Variants in NEDD4L observed in about 807,000 individuals in gnomAD.
NEDD4L encodes NEDD4 like E3 ubiquitin protein ligase.
In NEDD4L, 54 loss-of-function variants were observed where a neutral mutation model predicts 148.9. That is an observed-to-expected ratio of 0.36 (90% CI 0.29 to 0.45). The LOEUF is 0.45. NEDD4L is among the 20% of genes least tolerant of loss of function. The pLI is 1.00. For missense variants in NEDD4L, 856 were observed against 1,233.8 expected (o/e 0.69, Z 4.59); for synonymous variants, 433 against 440.7 (o/e 0.98, Z 0.22).
At chr18:58,276,773 G>A (rs1297576525) in intron 5 of NEDD4L, among the ~76,000 whole-genome samples, 1 of 151,792 alleles carries the variant, frequency 6.6e-6, no homozygotes, top group African/African-American at 2.4e-5. Context: ...TACTTAAGGA[G>A]GATTTTAAGC....
chr18:58,229,129 T>G (rs977778586), intron 2 of NEDD4L, among the ~76,000 whole-genome samples: 18 of 152,230 alleles, frequency 1.2e-4, no homozygotes, highest in African/African-American at 4.3e-4. Context: ...GTGTTTTTTA[T>G]AGGACCTATT....
chr18:58,144,115 T>TAAAA (rs5825266), intron 1 of NEDD4L, among the ~76,000 whole-genome samples: 1 of 142,878 alleles, frequency 7.0e-6, no homozygotes, highest in Non-Finnish European at 1.5e-5. Flanking sequence ...AGAGCAGCAT[T>TAAAA]AAAAAAAAAA....
chr18:58,093,793 T>A (rs754694162), intron 1 of NEDD4L, among the ~76,000 whole-genome samples: 1 of 152,220 alleles, frequency 6.6e-6, no homozygotes, highest in Admixed American at 6.5e-5. Flanking sequence ...ATAAGGAAAT[T>A]GAACTTTTCA....
chr18:58,238,680 C>T (rs970589762), intron 2 of NEDD4L, among the ~76,000 whole-genome samples: 3 of 151,918 alleles, frequency 2.0e-5, no homozygotes, highest in Non-Finnish European at 4.4e-5. Flanking sequence ...AAATATTTAC[C>T]TGCCTCTCTG....
At chr18:58,125,158 T>C (rs1042347267) in intron 1 of NEDD4L, among the ~76,000 whole-genome samples, 2 of 152,202 alleles carry the variant, frequency 1.3e-5, no homozygotes, top group African/African-American at 2.4e-5. Context: ...CTTTGACTTA[T>C]AGATTGTGGG....
intron 5 of NEDD4L, among the ~76,000 whole-genome samples, chr18:58,301,708 T>C (rs911265423): frequency 6.6e-6 from 1 of 152,154 alleles, no homozygotes; most frequent in Non-Finnish European, 1.5e-5. Context: ...TTCAAGCTGT[T>C]GTCTGTGAAT....
intron 1 of NEDD4L, among the ~76,000 whole-genome samples, chr18:58,133,548 C>A (rs527251): frequency 1.3e-5 from 2 of 151,758 alleles, no homozygotes; most frequent in African/African-American, 4.8e-5. Flanking sequence ...TTTTGGGAGG[C>A]GAGAAATATG....
rs1159443803 is a variant in NEDD4L, at chr18:58,398,231, T to G, written c.*1962T>G. On this transcript the variant is annotated 3_prime_UTR_variant, in exon 31 of 31. Coordinates refer to ENST00000400345, the MANE Select transcript of NEDD4L (RefSeq NM_001144967.3). ...GAGTTTTGACTATTGGTGAGATGTT[T>G]TCCGCTACAGTTAACATGACAAATG... 2 of 148,636 alleles carry G rather than the reference T, an allele frequency of 1.3e-5. No homozygotes were observed. The highest frequency in any genetic ancestry group is 2.1e-4 in the South Asian group (1 of 4,718). The allele number at this position is 148,636 out of a possible 1,614,324, so 9.2% of individuals were successfully genotyped here. A position where few individuals can be genotyped will look rare whatever the true frequency, so the allele number is the denominator to read the frequency against.
chr18:58,224,092 G>A (rs1852239710), intron 2 of NEDD4L, among the ~76,000 whole-genome samples: 1 of 152,178 alleles, frequency 6.6e-6, no homozygotes, highest in Non-Finnish European at 1.5e-5. Context: ...GGAGTCCAGT[G>A]GACTCAGTGG....
intron 5 of NEDD4L, among the ~76,000 whole-genome samples, chr18:58,277,370 C>T (rs969887066): frequency 2.0e-5 from 3 of 152,108 alleles, no homozygotes; most frequent in Non-Finnish European, 4.4e-5. Flanking sequence ...GAGCTCTCTT[C>T]CTGGGGGCAG....
At chr18:58,171,523 C>T (rs544094070) in intron 2 of NEDD4L, among the ~76,000 whole-genome samples, 14 of 152,390 alleles carry the variant, frequency 9.2e-5, no homozygotes, top group Admixed American at 3.3e-4. Context: ...CCTCCTACGG[C>T]CCCTTGTCTT....
intron 19 of NEDD4L, among the ~76,000 whole-genome samples, chr18:58,360,942 A>G (rs568715553): frequency 3.1e-4 from 47 of 152,266 alleles, no homozygotes; most frequent in Non-Finnish European, 5.0e-4. Context: ...GGCTTGGAGT[A>G]TGGATTTATT....
At chr18:58,237,010 C>T (rs559956330) in intron 2 of NEDD4L, among the ~76,000 whole-genome samples, 5 of 151,472 alleles carry the variant, frequency 3.3e-5, no homozygotes, top group South Asian at 2.1e-4. Flanking sequence ...ACACCAATAG[C>T]GAAACTCCAT....
At chr18:58,178,068 A>G (rs547752062) in intron 2 of NEDD4L, among the ~76,000 whole-genome samples, 15 of 152,310 alleles carry the variant, frequency 9.8e-5, no homozygotes, top group African/African-American at 3.1e-4. Context: ...TACATAAACA[A>G]AGGGGCATGT....
At position 58,120,361 on chromosome 18, in the gene NEDD4L, C is replaced by T. The variant is rs62096183; in HGVS notation, c.49-45427C>T. Among the ~76,000 whole-genome samples the T allele has an allele frequency of 8.4e-3, 1,277 of 152,304 alleles. 9 individuals carry two copies. The highest frequency in any genetic ancestry group is 0.012 in the Admixed American group (176 of 15,302). Reference sequence around the variant, plus strand: ...TTGGCCAATTGTATTCTCCCTCCCTCTACGATGAGGTTAATTACAGTTACC... The same window carrying T: ...TTGGCCAATTGTATTCTCCCTCCCTTTACGATGAGGTTAATTACAGTTACC... On this transcript the variant is annotated intron_variant, in intron 1 of 30. Transcript: ENST00000400345.
chr18:58,316,334 C>T (rs2058258808), intron 6 of NEDD4L, among the ~76,000 whole-genome samples: 1 of 152,212 alleles, frequency 6.6e-6, no homozygotes, highest in African/African-American at 2.4e-5. Context: ...AAACAGACAC[C>T]TCCTTCACTC....
chr18:58,362,122 G>T (rs984608850), intron 19 of NEDD4L, among the ~76,000 whole-genome samples: 1 of 152,180 alleles, frequency 6.6e-6, no homozygotes, highest in Non-Finnish European at 1.5e-5. Flanking sequence ...CAACATTTCC[G>T]CCCACACCTC....
intron 1 of NEDD4L, among the ~76,000 whole-genome samples, chr18:58,143,658 G>A (rs929952558): frequency 6.6e-5 from 10 of 152,150 alleles, no homozygotes; most frequent in African/African-American, 4.8e-5. Context: ...CGTGTTCTTC[G>A]TCCATGTCCC....
At chr18:58,083,905 ATTC>A (rs1299440570) in intron 1 of NEDD4L, among the ~76,000 whole-genome samples, 2 of 151,900 alleles carry the variant, frequency 1.3e-5, no homozygotes, top group Non-Finnish European at 1.5e-5. Context: ...TAATTTTTGT[ATTC>A]TTAGTAGAGA....
Sources: allele counts gnomAD v4.1 joint callset (sites outside exome capture counted in the v4.1 genomes callset), GRCh38; gene constraint gnomAD v4.1.1; transcripts MANE v1.5; gene names NCBI Gene and HGNC (gene_info 2026-07-23, HGNC 2026-07-21).